FAF1: variants seen among roughly 807,000 people sequenced by gnomAD.
FAF1 encodes Fas associated factor 1.
Under a neutral mutation model 92.5 loss-of-function variants are expected in FAF1, and 25 were observed. The ratio of observed to expected loss-of-function variants is 0.27; its 90% CI spans 0.20 to 0.38. The LOEUF is 0.38. Among genes scored for constraint, FAF1 ranks in the 10% least tolerant of loss-of-function variants. The probability of loss-of-function intolerance (pLI) is 1.00; values close to 1 mark genes in which losing one functional copy is unlikely to be tolerated. For missense variants in FAF1, 636 were observed against 793.3 expected, an observed-to-expected ratio of 0.80 and a Z score of 2.38; for synonymous variants, 234 against 273.2, an observed-to-expected ratio of 0.86 and a Z score of 1.42.
intron 15 of FAF1, among the ~76,000 whole-genome samples, chr1:50,523,089 T>C (rs1289704466): frequency 1.3e-5 from 2 of 152,212 alleles, no homozygotes; most frequent in Non-Finnish European, 2.9e-5. Flanking sequence ...GCAACATTTA[T>C]CAGTACTTCA....
chr1:50,842,383 A>T (rs964875959), intron 2 of FAF1, among the ~76,000 whole-genome samples: 2 of 152,142 alleles, frequency 1.3e-5, no homozygotes, highest in African/African-American at 4.8e-5. Flanking sequence ...ATTAAGAGAA[A>T]ACCATTTTGT....
chr1:50,908,339 G>A (rs1312315091), intron 1 of FAF1, among the ~76,000 whole-genome samples: 3 of 152,210 alleles, frequency 2.0e-5, no homozygotes, highest in Admixed American at 6.5e-5. Context: ...TGAGAAGAAT[G>A]TATATTCTGC....
intron 8 of FAF1, among the ~76,000 whole-genome samples, chr1:50,642,070 G>A (rs985436454): frequency 1.3e-5 from 2 of 152,124 alleles, no homozygotes; most frequent in East Asian, 3.9e-4. Context: ...AGGCATGGTG[G>A]CGGGTGCCCG....
intron 1 of FAF1, among the ~76,000 whole-genome samples, chr1:50,952,015 T>C (rs1281406262): frequency 2.6e-5 from 4 of 152,188 alleles, no homozygotes. Context: ...GAAAAGTCCA[T>C]ATTTCAAAGA....
intron 6 of FAF1, among the ~76,000 whole-genome samples, chr1:50,724,237 C>T (rs953580726): frequency 1.1e-5 from 1 of 88,850 alleles, no homozygotes; most frequent in Non-Finnish European, 2.2e-5. Flanking sequence ...GACTGTCTTT[C>T]AAAAAAAAAA....
chr1:50,695,969 T>A (rs1023811464), intron 7 of FAF1, among the ~76,000 whole-genome samples: 5 of 147,232 alleles, frequency 3.4e-5, no homozygotes, highest in East Asian at 1.9e-4. Context: ...TTTTTTTTTT[T>A]AACTACTTGG....
At chr1:50,841,783 A>G (rs1644258392) in intron 2 of FAF1, among the ~76,000 whole-genome samples, 1 of 152,100 alleles carries the variant, frequency 6.6e-6, no homozygotes, top group African/African-American at 2.4e-5. Flanking sequence ...AGGTAAAAAG[A>G]AAAACCCACA....
chr1:50,624,084 G>GAAAA (rs1244377170), intron 8 of FAF1, among the ~76,000 whole-genome samples: 14 of 152,236 alleles, frequency 9.2e-5, no homozygotes, highest in Admixed American at 9.2e-4. Context: ...GTTGCCACTA[G>GAAAA]AAAGACCACG....
At chr1:50,933,866 C>A (rs950026387) in intron 1 of FAF1, among the ~76,000 whole-genome samples, 1 of 152,124 alleles carries the variant, frequency 6.6e-6, no homozygotes, top group Non-Finnish European at 1.5e-5. Flanking sequence ...GAGAAGGAAG[C>A]AAAAGTGGAA....
chr1:50,474,105 T>C (rs1426200243), intron 18 of FAF1, among the ~76,000 whole-genome samples: 3 of 152,218 alleles, frequency 2.0e-5, no homozygotes, highest in Admixed American at 2.0e-4. Flanking sequence ...AAGATATTCC[T>C]TTCTTAGAAA....
chr1:50,900,304 G>C (rs1340497292), intron 1 of FAF1, among the ~76,000 whole-genome samples: 1 of 152,120 alleles, frequency 6.6e-6, no homozygotes, highest in Non-Finnish European at 1.5e-5. Context: ...CACAATCTTA[G>C]AAAATACTGT....
chr1:50,917,117 T>TA (rs1005627920), intron 1 of FAF1, among the ~76,000 whole-genome samples: 1 of 152,170 alleles, frequency 6.6e-6, no homozygotes, highest in Admixed American at 6.5e-5. Context: ...CAGCAAAACT[T>TA]AAAATCCAAA....
chr1:50,888,754 G>T (rs1644692046), intron 1 of FAF1, among the ~76,000 whole-genome samples: 1 of 152,192 alleles, frequency 6.6e-6, no homozygotes, highest in Non-Finnish European at 1.5e-5. Flanking sequence ...TATGCTGCTG[G>T]ATTTGGTTTG....
chr1:50,957,648 G>A (rs1241445232), intron 1 of FAF1, among the ~76,000 whole-genome samples: 1 of 151,856 alleles, frequency 6.6e-6, no homozygotes, highest in African/African-American at 2.4e-5. Context: ...CACCATGCCC[G>A]GCCGAAATTT....
At chr1:50,792,565 C>A (rs760751179) in intron 3 of FAF1, among the ~76,000 whole-genome samples, 9 of 152,166 alleles carry the variant, frequency 5.9e-5, no homozygotes, top group Non-Finnish European at 1.3e-4. Context: ...CCTGAACCTT[C>A]CTAGCATAAT....
At chr1:50,754,323 GC>G (rs1659990293) in intron 4 of FAF1, among the ~76,000 whole-genome samples, 1 of 152,132 alleles carries the variant, frequency 6.6e-6, no homozygotes, top group East Asian at 1.9e-4. Context: ...AGTCAGCATT[GC>G]CCAAGCAGTA....
At chr1:50,886,236 T>C (rs561292767) in intron 1 of FAF1, among the ~76,000 whole-genome samples, 7 of 152,356 alleles carry the variant, frequency 4.6e-5, no homozygotes, top group African/African-American at 1.7e-4. Context: ...CAGATTGAAG[T>C]ACTCCCTTTA....
chr1:50,813,766 C>CATTTAATCTCT (rs1643939915), intron 2 of FAF1, among the ~76,000 whole-genome samples: 1 of 151,798 alleles, frequency 6.6e-6, no homozygotes, highest in South Asian at 2.1e-4. Flanking sequence ...ACTGTATTGT[C>CATTTAATCTCT]GGCATCTCTC....
rs562935933 is a variant in FAF1, at chr1:50,521,022, C to A, written c.1494+14347G>T. The stretch of plus-strand genomic sequence containing the variant: ...TTAAAGAACAGGACTGGCACTCATA[C>A]TGTTTTTTATATATTAATTCATTAT... On this transcript the variant is annotated intron_variant, in intron 15 of 18. Transcript: ENST00000396153. 2.6e-5 allele frequency among the ~76,000 whole-genome samples: 4 copies of A among 152,276 alleles called. No homozygotes were observed. The East Asian group carries it at 7.7e-4, about 29-fold the overall frequency.
Sources: allele counts gnomAD v4.1 joint callset (sites outside exome capture counted in the v4.1 genomes callset), GRCh38; gene constraint gnomAD v4.1.1; transcripts MANE v1.5; gene names NCBI Gene and HGNC (gene_info 2026-07-23, HGNC 2026-07-21).